YES1: variants seen among roughly 807,000 people sequenced by gnomAD.
The protein encoded by YES1 is YES proto-oncogene 1, Src family tyrosine kinase, also known as tyrosine-protein kinase Yes.
Under a neutral mutation model 70.4 loss-of-function variants are expected in YES1, and 39 were observed. That is an observed-to-expected ratio of 0.55 (90% CI 0.43 to 0.72). YES1 has a LOEUF of 0.72. Among genes scored for constraint, YES1 ranks in the 30% least tolerant of loss-of-function variants. The probability of loss-of-function intolerance (pLI) is 0.00; values close to 1 mark genes in which losing one functional copy is unlikely to be tolerated. For missense variants in YES1, 495 were observed against 644.8 expected (o/e 0.77, Z 2.52); for synonymous variants, 198 against 218.6 (o/e 0.91, Z 0.83).
intron 1 of YES1, among the ~76,000 whole-genome samples, chr18:763,703 C>CAAAAAA (rs71174286): frequency 1.6e-5 from 1 of 63,688 alleles, no homozygotes; most frequent in East Asian, 4.5e-4. Context: ...ATCCTGTCTT[C>CAAAAAA]AAAAAAAAAA....
chr18:738,146 G>GTA (rs1474219314), intron 9 of YES1: 1 of 151,716 alleles, frequency 6.6e-6, no homozygotes, highest in African/African-American at 2.4e-5. Flanking sequence ...TGTTGCCTAT[G>GTA]TATAGTTTCT....
chr18:774,191 T>G lies in YES1; in HGVS notation c.-8-17356A>C, dbSNP rs79237950. On this transcript the variant is annotated intron_variant, in intron 1 of 11. Transcript: ENST00000314574. ...TTCCCCCCGTCTTACTGGCTGCTCCTTCTCAGTCTCCTTTGCTAACTGTTC... is the reference window on the plus strand; with the variant it reads ...TTCCCCCCGTCTTACTGGCTGCTCCGTCTCAGTCTCCTTTGCTAACTGTTC... Among the ~76,000 whole-genome samples, 389 of 152,292 alleles carry G rather than the reference T, an allele frequency of 2.6e-3. 5 individuals are homozygous for G. The highest frequency in any genetic ancestry group is 0.01 in the East Asian group (54 of 5,186).
chr18:765,618 T>C (rs1394209148), intron 1 of YES1, among the ~76,000 whole-genome samples: 2 of 151,984 alleles, frequency 1.3e-5, no homozygotes, highest in East Asian at 3.9e-4. Flanking sequence ...CAGTCTGGTC[T>C]CGAACGCCTG....
At chr18:772,257 A>C (rs569836306) in intron 1 of YES1, among the ~76,000 whole-genome samples, 1 of 150,804 alleles carries the variant, frequency 6.6e-6, no homozygotes, top group African/African-American at 2.4e-5. Flanking sequence ...TCAAACTCCC[A>C]ACCTCAAGTG....
intron 1 of YES1, among the ~76,000 whole-genome samples, chr18:793,125 C>T (rs1199980471): frequency 6.6e-6 from 1 of 151,418 alleles, no homozygotes; most frequent in Non-Finnish European, 1.5e-5. Flanking sequence ...CTGCAACCTC[C>T]ACCTCCCGGG....
chr18:803,823 C>A (rs1906946151), intron 1 of YES1, among the ~76,000 whole-genome samples: 1 of 152,146 alleles, frequency 6.6e-6, no homozygotes, highest in Non-Finnish European at 1.5e-5. Flanking sequence ...TTAACAAAAA[C>A]CAGGCAAAAA....
chr18:739,509 G>A (rs979925513), intron 9 of YES1: 14 of 363,660 alleles, frequency 3.8e-5, no homozygotes, highest in East Asian at 3.8e-4. Flanking sequence ...AGGCTGAGGC[G>A]AGAGGATTGC....
At chr18:727,535 TGATTA>T (rs1203207149) in intron 11 of YES1, among the ~76,000 whole-genome samples, 1 of 152,174 alleles carries the variant, frequency 6.6e-6, no homozygotes, top group Non-Finnish European at 1.5e-5. Flanking sequence ...CTTTTTAATT[TGATTA>T]AACAAGCATT....
chr18:746,262 T>C (rs1258373663), intron 4 of YES1, among the ~76,000 whole-genome samples: 1 of 152,204 alleles, frequency 6.6e-6, no homozygotes, highest in African/African-American at 2.4e-5. Flanking sequence ...TATTTCTATA[T>C]ATTAACTACT....
Position 756,556 on chromosome 18 carries a change from C to T in YES1, c.271+1G>A, listed in dbSNP as rs1299702734. On this transcript the variant is annotated splice_donor_variant, in intron 2 of 11. Transcript: ENST00000314574. LOFTEE classifies it high-confidence loss of function. ...AACATAATTGTCCATTTAAATCTCA[C>T]CTGTTAAACCAGCAGGATATGAACT... is the stretch of plus-strand genomic sequence containing the variant. The T allele has an allele frequency of 6.2e-7, 1 of 1,613,968 alleles. No homozygotes were observed. Among genetic ancestry groups the T allele is most frequent in the Admixed American group, 1.7e-5 (1 of 59,998 alleles).
rs557141468 is a variant in YES1, at chr18:762,382, G to A, written c.-8-5547C>T. 3.3e-5 allele frequency among the ~76,000 whole-genome samples: 5 copies of A among 152,194 alleles called. No individual in the cohort carries two copies. In the South Asian group the frequency reaches 1.0e-3, roughly 32 times the overall value. ...CATTTATATGGAAACCTACCTGTTGGATATTACACTGATTACCTGGGTAAC... is the reference window on the plus strand; with the variant it reads ...CATTTATATGGAAACCTACCTGTTGAATATTACACTGATTACCTGGGTAAC... On this transcript the variant is annotated intron_variant, in intron 1 of 11. Coordinates refer to ENST00000314574, the MANE Select transcript of YES1 (RefSeq NM_005433.4).
chr18:790,647 A>G (rs1272399092), intron 1 of YES1, among the ~76,000 whole-genome samples: 2 of 152,200 alleles, frequency 1.3e-5, no homozygotes, highest in Non-Finnish European at 2.9e-5. Flanking sequence ...ACTTTGTATA[A>G]CTCCTGCCAA....
chr18:767,447 G>A (rs760714905), intron 1 of YES1, among the ~76,000 whole-genome samples: 5 of 151,726 alleles, frequency 3.3e-5, no homozygotes, highest in South Asian at 2.1e-4. Flanking sequence ...CACAATGCCC[G>A]GCCCCATGTT....
At chr18:750,699 C>G (rs2080332278) in intron 3 of YES1, among the ~76,000 whole-genome samples, 1 of 152,074 alleles carries the variant, frequency 6.6e-6, no homozygotes, top group Admixed American at 6.6e-5. Context: ...GATACTTAAT[C>G]CAGCAGGGGA....
intron 3 of YES1, among the ~76,000 whole-genome samples, chr18:751,197 T>C (rs182850069): frequency 2.0e-5 from 3 of 152,324 alleles, no homozygotes; most frequent in African/African-American, 7.2e-5. Flanking sequence ...AATGAAATTA[T>C]TCGATCTACT....
At chr18:737,137 G>A in intron 9 of YES1, 176 bp from the exon 10 acceptor site, 1 of 583,180 alleles carries the variant, frequency 1.7e-6, no homozygotes. Context: ...TAATAAAAAT[G>A]CAGGCTAAAT....
intron 8 of YES1, among the ~76,000 whole-genome samples, chr18:742,253 C>T (rs888911341): frequency 1.3e-5 from 2 of 152,090 alleles, no homozygotes; most frequent in Non-Finnish European, 2.9e-5. Flanking sequence ...TTATCCTCCC[C>T]CTAACTAACC....
intron 1 of YES1, among the ~76,000 whole-genome samples, chr18:763,225 A>G (rs573179425): frequency 5.5e-4 from 83 of 152,274 alleles, no homozygotes; most frequent in Middle Eastern, 3.4e-3. Context: ...TTATGCAATA[A>G]CTTTTAGACT....
chr18:759,623 T>C (rs762542579), intron 1 of YES1, among the ~76,000 whole-genome samples: 1 of 152,226 alleles, frequency 6.6e-6, no homozygotes, highest in Non-Finnish European at 1.5e-5. Flanking sequence ...TTTTTCCTTG[T>C]CATTATTCCC....
Sources: allele counts gnomAD v4.1 joint callset (sites outside exome capture counted in the v4.1 genomes callset), GRCh38; gene constraint gnomAD v4.1.1; transcripts MANE v1.5; gene names NCBI Gene and HGNC (gene_info 2026-07-23, HGNC 2026-07-21).